CACNA2D3: variants seen among roughly 807,000 people sequenced by gnomAD.
The protein encoded by CACNA2D3 is voltage-dependent calcium channel subunit alpha-2/delta-3.
Under a neutral mutation model 160.6 loss-of-function variants are expected in CACNA2D3, and 60 were observed. The observed-to-expected ratio is 0.37, with a 90% confidence interval of 0.30 to 0.46. The LOEUF is 0.46. CACNA2D3 is among the 20% of genes least tolerant of loss of function. The pLI, the probability that CACNA2D3 is intolerant of heterozygous loss-of-function variation, is 1.00. For synonymous variants in CACNA2D3, 558 were observed against 492.9 expected, an observed-to-expected ratio of 1.13 and a Z score of -1.75; for missense variants, 1,205 against 1,365.0, an observed-to-expected ratio of 0.88 and a Z score of 1.85.
At chr3:54,148,051 C>T (rs926769033) in intron 2 of CACNA2D3, among the ~76,000 whole-genome samples, 6 of 152,222 alleles carry the variant, frequency 3.9e-5, no homozygotes, top group Non-Finnish European at 5.9e-5. Flanking sequence ...TCCGCCTTGG[C>T]GTCCCAAAGT....
chr3:54,854,568 G>A (rs1044353450), intron 17 of CACNA2D3, among the ~76,000 whole-genome samples: 1 of 151,996 alleles, frequency 6.6e-6, no homozygotes, highest in South Asian at 2.1e-4. Context: ...TCCCCTTTGG[G>A]TGCCAGGCGC....
chr3:54,921,778 C>T (rs951963903), intron 27 of CACNA2D3, among the ~76,000 whole-genome samples: 1 of 152,144 alleles, frequency 6.6e-6, no homozygotes, highest in East Asian at 1.9e-4. Context: ...GAATGCAGAC[C>T]ATGCCCCCAT....
chr3:54,877,684 C>T (rs546048245), intron 18 of CACNA2D3, among the ~76,000 whole-genome samples: 15 of 152,068 alleles, frequency 9.9e-5, no homozygotes, highest in Non-Finnish European at 2.2e-4. Flanking sequence ...CATCAGTGAC[C>T]CTGGCCTTGG....
chr3:54,422,628 G>A (rs749537181), intron 4 of CACNA2D3, among the ~76,000 whole-genome samples: 5 of 152,170 alleles, frequency 3.3e-5, no homozygotes, highest in Admixed American at 2.0e-4. Flanking sequence ...GTAAATTAAG[G>A]CAGCACCATT....
intron 2 of CACNA2D3, among the ~76,000 whole-genome samples, chr3:54,297,874 T>C (rs1252342836): frequency 1.3e-5 from 2 of 152,130 alleles, no homozygotes; most frequent in East Asian, 3.9e-4. Context: ...CCACAATCTT[T>C]CCTTTTAAAC....
At chr3:54,302,531 T>C (rs1703502299) in intron 2 of CACNA2D3, among the ~76,000 whole-genome samples, 1 of 152,120 alleles carries the variant, frequency 6.6e-6, no homozygotes, top group South Asian at 2.1e-4. Flanking sequence ...GATCTCGAGT[T>C]TGGTCTTCCA....
intron 3 of CACNA2D3, among the ~76,000 whole-genome samples, chr3:54,355,404 G>A (rs1559459033): frequency 6.6e-6 from 1 of 152,202 alleles, no homozygotes; most frequent in Non-Finnish European, 1.5e-5. Flanking sequence ...GGCCAGTGAA[G>A]GGTCTCTGGC....
At chr3:54,657,089 G>T (rs1440060399) in intron 11 of CACNA2D3, among the ~76,000 whole-genome samples, 1 of 150,114 alleles carries the variant, frequency 6.7e-6, no homozygotes, top group Non-Finnish European at 1.5e-5. Flanking sequence ...AGGAGTGGGG[G>T]GTCACAGGGT....
In CACNA2D3 at chr3:54,761,248, A is replaced by G. The variant is rs1266037121; in HGVS notation, c.1247-2970A>G. On this transcript the variant is annotated intron_variant, in intron 12 of 37. Transcript: ENST00000474759. Reference sequence around the variant, plus strand: ...CAAGATCCTGTCTGGGCCCAAGAGCACAGGCACCTAAACAGAATTGTTTGA... The same window carrying G: ...CAAGATCCTGTCTGGGCCCAAGAGCGCAGGCACCTAAACAGAATTGTTTGA... Among the ~76,000 whole-genome samples, 5 of 152,290 alleles carry G rather than the reference A, an allele frequency of 3.3e-5. No individual in the cohort carries two copies. In the East Asian group the frequency reaches 7.8e-4, roughly 24 times the overall value.
chr3:54,905,612 A>T (rs1372047597), intron 27 of CACNA2D3, among the ~76,000 whole-genome samples: 6 of 152,194 alleles, frequency 3.9e-5, no homozygotes, highest in Non-Finnish European at 7.4e-5. Flanking sequence ...GTAGTTTCCA[A>T]CCGGGGGTGA....
intron 9 of CACNA2D3, among the ~76,000 whole-genome samples, chr3:54,592,800 T>C (rs1021955173): frequency 2.6e-5 from 4 of 152,242 alleles, no homozygotes; most frequent in African/African-American, 9.6e-5. Flanking sequence ...GATCTTTTCT[T>C]GTGGGATCAG....
chr3:54,754,000 A>G (rs931590930), intron 12 of CACNA2D3, among the ~76,000 whole-genome samples: 1 of 152,220 alleles, frequency 6.6e-6, no homozygotes, highest in Non-Finnish European at 1.5e-5. Flanking sequence ...GAAAGTTTGT[A>G]TCCAGTTCTT....
chr3:54,380,726 C>CAAAAAACAA (rs1699088576), intron 3 of CACNA2D3, among the ~76,000 whole-genome samples: 1 of 150,848 alleles, frequency 6.6e-6, no homozygotes, highest in African/African-American at 2.4e-5. Context: ...GTCTCAAAAA[C>CAAAAAACAA]AAAAAACAAA....
intron 11 of CACNA2D3, among the ~76,000 whole-genome samples, chr3:54,713,039 T>G (rs1466134351): frequency 6.6e-6 from 1 of 152,196 alleles, no homozygotes; most frequent in Non-Finnish European, 1.5e-5. Context: ...ATAGGAATGT[T>G]GTGATGATTA....
At chr3:54,895,547 T>C (rs1201595228) in intron 25 of CACNA2D3, among the ~76,000 whole-genome samples, 1 of 152,188 alleles carries the variant, frequency 6.6e-6, no homozygotes, top group Non-Finnish European at 1.5e-5. Context: ...GGGTGCCAAG[T>C]TCAGGAAACC....
rs564386197 is a variant in CACNA2D3 at position 54,624,491 on chromosome 3, G to A, written c.964-3296G>A. Among the ~76,000 whole-genome samples the A allele has an allele frequency of 5.3e-5, 8 of 152,166 alleles. No homozygotes were observed. The East Asian group carries it at 5.8e-4, about 11-fold the overall frequency. On this transcript the variant is annotated intron_variant, in intron 9 of 37. Coordinates refer to ENST00000474759, the MANE Select transcript of CACNA2D3 (RefSeq NM_018398.3). ...CAAAAAATTAGCCAGGCGTGGTGGC[G>A]GGCGCCTGTAGTCCCAGCTACTCTG...
At position 54,361,616 on chromosome 3, in the gene CACNA2D3, T is replaced by G. The variant is rs1698744639; in HGVS notation, c.322-25099T>G. Among the ~76,000 whole-genome samples, 3 of 152,204 alleles carry G rather than the reference T, an allele frequency of 2.0e-5. No homozygotes were observed. In the South Asian group the frequency reaches 6.2e-4, roughly 31 times the overall value. On this transcript the variant is annotated intron_variant, in intron 3 of 37. Transcript: ENST00000474759. Reference sequence around the variant, plus strand: ...GGCACCTATTGCAGCTAAAGAAAGCTTTAAATTTAAAAATGAGGCAGCTGT... The same window carrying G: ...GGCACCTATTGCAGCTAAAGAAAGCGTTAAATTTAAAAATGAGGCAGCTGT...
intron 23 of CACNA2D3, 97 bp from the exon 24 acceptor site, chr3:54,887,860 GAA>G: frequency 1.1e-6 from 1 of 875,454 alleles, no homozygotes; most frequent in Non-Finnish European, 1.9e-6. Flanking sequence ...TGCCGCATGA[GAA>G]AGTAGCCTGC....
intron 9 of CACNA2D3, among the ~76,000 whole-genome samples, chr3:54,585,324 T>TA (rs1297727722): frequency 1.3e-5 from 2 of 152,166 alleles, no homozygotes; most frequent in Non-Finnish European, 2.9e-5. Flanking sequence ...AGTAATAAAT[T>TA]ACATATTTGT....
Sources: gnomAD v4.1 joint callset for allele counts (sites outside exome capture counted in the v4.1 genomes callset) on GRCh38, gnomAD v4.1.1 for gene constraint, MANE v1.5 for transcripts, NCBI Gene and HGNC (gene_info 2026-07-23, HGNC 2026-07-21) for gene names.